Variants in RUNDC3B observed in about 807,000 individuals in gnomAD.
The protein encoded by RUNDC3B is RUN domain containing 3B, also known as RUN domain-containing protein 3B.
In RUNDC3B, 33 loss-of-function variants were observed where a neutral mutation model predicts 58.4. The ratio of observed to expected loss-of-function variants is 0.56; its 90% CI spans 0.43 to 0.75. RUNDC3B has a LOEUF of 0.75. RUNDC3B is among the 30% of genes least tolerant of loss of function. RUNDC3B has a pLI of 0.00. For synonymous variants in RUNDC3B, 193 were observed against 195.2 expected (o/e 0.99, Z 0.10); for missense variants, 501 against 535.7 (o/e 0.94, Z 0.64).
intron 1 of RUNDC3B, among the ~76,000 whole-genome samples, chr7:87,641,782 A>G (rs1046278715): frequency 6.6e-6 from 1 of 152,180 alleles, no homozygotes; most frequent in African/African-American, 2.4e-5. Flanking sequence ...AAAATGATTT[A>G]TTGTCTGTTA....
chr7:87,753,982 G>C (rs891384336), intron 6 of RUNDC3B, among the ~76,000 whole-genome samples: 1 of 152,154 alleles, frequency 6.6e-6, no homozygotes, highest in Non-Finnish European at 1.5e-5. Flanking sequence ...AGGTATAAAA[G>C]TACATTCCAA....
At chr7:87,821,922 T>G (rs1837469093) in intron 10 of RUNDC3B, among the ~76,000 whole-genome samples, 1 of 152,160 alleles carries the variant, frequency 6.6e-6, no homozygotes, top group Non-Finnish European at 1.5e-5. Flanking sequence ...ATGTTAGACC[T>G]GAAACCATAA....
At chr7:87,678,032 A>C (rs539856477) in intron 2 of RUNDC3B, among the ~76,000 whole-genome samples, 62 of 152,248 alleles carry the variant, frequency 4.1e-4, no homozygotes, top group Non-Finnish European at 7.1e-4. Flanking sequence ...CTGGTCTAAA[A>C]GAAATGCTAA....
chr7:87,826,149 G>A (rs887506739), intron 10 of RUNDC3B, among the ~76,000 whole-genome samples: 7 of 152,070 alleles, frequency 4.6e-5, no homozygotes, highest in Non-Finnish European at 1.0e-4. Flanking sequence ...TGTCCCCACC[G>A]AAATCTTATC....
chr7:87,636,878 T>G (rs1700378474), intron 1 of RUNDC3B, among the ~76,000 whole-genome samples: 1 of 152,078 alleles, frequency 6.6e-6, no homozygotes, highest in African/African-American at 2.4e-5. Context: ...GTTTAATTGA[T>G]TCATTGGTCT....
chr7:87,696,088 TTTAAC>T (rs1480146738), intron 2 of RUNDC3B, among the ~76,000 whole-genome samples: 7 of 152,164 alleles, frequency 4.6e-5, no homozygotes, highest in Admixed American at 1.3e-4. Context: ...TAAAAGCTTG[TTTAAC>T]ATTGGGAAAA....
At chr7:87,727,011 T>TATAC (rs1419936456) in intron 4 of RUNDC3B, among the ~76,000 whole-genome samples, 1 of 152,200 alleles carries the variant, frequency 6.6e-6, no homozygotes, top group Non-Finnish European at 1.5e-5. Context: ...GTTTTCTAAA[T>TATAC]ATACAATCAT....
intron 10 of RUNDC3B, among the ~76,000 whole-genome samples, chr7:87,822,480 C>T (rs1837524711): frequency 1.3e-5 from 2 of 152,176 alleles, no homozygotes; most frequent in Admixed American, 1.3e-4. Flanking sequence ...GTCAGTGTGG[C>T]TATTCCTCAG....
intron 4 of RUNDC3B, among the ~76,000 whole-genome samples, chr7:87,732,616 C>T (rs1310926936): frequency 1.3e-5 from 2 of 152,168 alleles, no homozygotes; most frequent in African/African-American, 4.8e-5. Context: ...AACAGACACA[C>T]ACAAGATAGT....
At position 87,628,586 on chromosome 7, in the gene RUNDC3B, T is replaced by TGCGTGC. The variant is rs199520818; in HGVS notation, c.-237_-236insCGTGCG. 104 of 16,142 alleles carry TGCGTGC rather than the reference T, an allele frequency of 6.4e-3. No homozygotes were observed. Among genetic ancestry groups the TGCGTGC allele is most frequent in the South Asian group, 0.01 (3 of 292 alleles). The allele number at this position is 16,142 out of a possible 1,614,324, so 1.0% of individuals were successfully genotyped here. On this transcript the variant is annotated 5_prime_UTR_variant, in exon 1 of 11. Coordinates refer to ENST00000394654, the MANE Select transcript of RUNDC3B (RefSeq NM_001134405.2). The stretch of plus-strand genomic sequence containing the variant: ...AGGGCGGAGGTGGTGCGTGCGTGCG[T>TGCGTGC]GTGTGTGTGTGTGTGTGTGTGTGTG...
At chr7:87,670,324 C>T (rs1255758657) in intron 2 of RUNDC3B, among the ~76,000 whole-genome samples, 3 of 152,132 alleles carry the variant, frequency 2.0e-5, no homozygotes, top group Non-Finnish European at 2.9e-5. Flanking sequence ...TCTGTCAGAC[C>T]CATTGGGTTC....
intron 6 of RUNDC3B, among the ~76,000 whole-genome samples, chr7:87,759,735 C>CT (rs140119182): frequency 0.14 from 21,773 of 150,970 alleles, 2,474 homozygotes; most frequent in African/African-American, 0.32. Flanking sequence ...GAGTTTGAGG[C>CT]ATGAGCTGTG....
At chr7:87,821,127 A>G (rs868108617) in intron 10 of RUNDC3B, among the ~76,000 whole-genome samples, 1 of 151,492 alleles carries the variant, frequency 6.6e-6, no homozygotes, top group Non-Finnish European at 1.5e-5. Flanking sequence ...ACATGATTGT[A>G]TATCTAGAAA....
chr7:87,662,118 G>GTTGT (rs1824771971), intron 2 of RUNDC3B, among the ~76,000 whole-genome samples: 1 of 151,952 alleles, frequency 6.6e-6, no homozygotes, highest in Admixed American at 6.6e-5. Context: ...TTCCTGTAGA[G>GTTGT]TTGTTTGAGC....
chr7:87,724,789 T>C (rs1563164305), intron 4 of RUNDC3B, among the ~76,000 whole-genome samples: 1 of 152,118 alleles, frequency 6.6e-6, no homozygotes. Flanking sequence ...TGTATAATAG[T>C]TCATAGTATT....
chr7:87,636,319 T>A (rs1254258932), intron 1 of RUNDC3B, among the ~76,000 whole-genome samples: 1 of 152,244 alleles, frequency 6.6e-6, no homozygotes, highest in Non-Finnish European at 1.5e-5. Context: ...ATTTTCTTGA[T>A]GTCTAATGAA....
chr7:87,733,481 G>A (rs1255169057), intron 4 of RUNDC3B, among the ~76,000 whole-genome samples: 3 of 152,176 alleles, frequency 2.0e-5, no homozygotes, highest in Admixed American at 6.5e-5. Context: ...TTAAAACTTT[G>A]TGTTTCAGAG....
chr7:87,816,181 A>AG lies in RUNDC3B; in HGVS notation c.1145dup (p.Ser382ArgfsTer27). On this transcript the variant is annotated frameshift_variant, in exon 10 of 11. Transcript: ENST00000394654. LOFTEE classifies it high-confidence loss of function. Reference sequence around the variant, plus strand: ...TCTTGACCAGTTATCAGCAGAAGTTAGCCTTTCTCAGACTTCACTAGATCC... The same window carrying AG: ...TCTTGACCAGTTATCAGCAGAAGTTAGGCCTTTCTCAGACTTCACTAGATCC... The AG allele has an allele frequency of 6.2e-7, 1 of 1,609,088 alleles. No individual in the cohort carries two copies. The highest frequency in any genetic ancestry group is 8.5e-7 in the Non-Finnish European group (1 of 1,175,550).
chr7:87,739,455 C>T (rs1469494981), intron 4 of RUNDC3B, among the ~76,000 whole-genome samples: 1 of 151,974 alleles, frequency 6.6e-6, no homozygotes, highest in African/African-American at 2.4e-5. Context: ...TTTCACTTTA[C>T]ATTTATATTG....
Sources: allele counts gnomAD v4.1 joint callset (sites outside exome capture counted in the v4.1 genomes callset), GRCh38; gene constraint gnomAD v4.1.1; transcripts MANE v1.5; gene names NCBI Gene and HGNC (gene_info 2026-07-23, HGNC 2026-07-21).